EGFLAM: variants seen among roughly 807,000 people sequenced by gnomAD.
The protein encoded by EGFLAM is EGF like, fibronectin type III and laminin G domains.
In EGFLAM, 79 loss-of-function variants were observed where a neutral mutation model predicts 113.1. That is an observed-to-expected ratio of 0.70 (90% CI 0.58 to 0.84). The LOEUF (loss-of-function observed/expected upper bound fraction) is 0.84, where lower values mean the gene tolerates loss of function less well. Among genes scored for constraint, EGFLAM ranks in the 40% least tolerant of loss-of-function variants. The pLI, the probability that EGFLAM is intolerant of heterozygous loss-of-function variation, is 0.00. For synonymous variants in EGFLAM, 504 were observed against 487.6 expected (o/e 1.03, Z -0.44); for missense variants, 1,265 against 1,291.6 (o/e 0.98, Z 0.32).
rs7710623 is a variant in EGFLAM at position 38,287,792 on chromosome 5, T to C, written c.97+28941T>C. 3.5e-3 allele frequency among the ~76,000 whole-genome samples: 535 copies of C among 152,332 alleles called. 5 individuals are homozygous for C. Among genetic ancestry groups the C allele is most frequent in the African/African-American group, 0.012 (507 of 41,574 alleles). ...CTAAGCTGAGATGTGGAAATGAGTA[T>C]CTTTTATGCCCTAAGTGGGGCAATG... On this transcript the variant is annotated intron_variant, in intron 1 of 21. Coordinates refer to ENST00000322350, the MANE Select transcript of EGFLAM (RefSeq NM_152403.4).
At chr5:38,387,595 T>TCA (rs1740699126) in intron 6 of EGFLAM, among the ~76,000 whole-genome samples, 1 of 152,284 alleles carries the variant, frequency 6.6e-6, no homozygotes, top group African/African-American at 2.4e-5. Flanking sequence ...CAGTGAATTC[T>TCA]CAGTCTTAGC....
At chr5:38,414,048 A>G (rs893582762) in intron 11 of EGFLAM, among the ~76,000 whole-genome samples, 16 of 152,178 alleles carry the variant, frequency 1.1e-4, no homozygotes, top group African/African-American at 3.6e-4. Flanking sequence ...GCTTCCTAAC[A>G]GGCCACAGAC....
chr5:38,457,370 G>A (rs987965752), intron 19 of EGFLAM, among the ~76,000 whole-genome samples: 5 of 152,204 alleles, frequency 3.3e-5, no homozygotes, highest in African/African-American at 9.7e-5. Context: ...TGCAAGGGTT[G>A]GCTTCTTCTG....
chr5:38,464,969 T>G lies in EGFLAM; in HGVS notation c.*983T>G, dbSNP rs1279440860. On this transcript the variant is annotated 3_prime_UTR_variant, in exon 22 of 22. Transcript: ENST00000322350. ...GTCACTGTCATTTTTGTTTTAAGAG[T>G]TGGGGGGAGTATCTATAGTAAACTT... The G allele has an allele frequency of 6.6e-6, 1 of 151,920 alleles. No individual in the cohort carries two copies. Among genetic ancestry groups the G allele is most frequent in the Non-Finnish European group, 1.5e-5 (1 of 67,982 alleles). 9.4% of individuals were successfully genotyped at this position (151,920 alleles called of 1,614,324 possible).
At chr5:38,311,095 A>T (rs1433417711) in intron 1 of EGFLAM, among the ~76,000 whole-genome samples, 2 of 152,118 alleles carry the variant, frequency 1.3e-5, no homozygotes, top group Non-Finnish European at 2.9e-5. Flanking sequence ...ATGTTTAAAA[A>T]TTGACAAAGA....
At chr5:38,354,392 C>T (rs1428993119) in intron 5 of EGFLAM, among the ~76,000 whole-genome samples, 2 of 152,270 alleles carry the variant, frequency 1.3e-5, no homozygotes, top group Admixed American at 1.3e-4. Context: ...ATACATTAGA[C>T]AACACCAGCA....
intron 1 of EGFLAM, among the ~76,000 whole-genome samples, chr5:38,265,966 A>T (rs541589894): frequency 2.0e-5 from 3 of 152,172 alleles, no homozygotes; most frequent in Admixed American, 6.5e-5. Flanking sequence ...TGTTATGCTG[A>T]TCTTCACTGC....
intron 6 of EGFLAM, among the ~76,000 whole-genome samples, chr5:38,392,471 C>T (rs921382998): frequency 6.6e-6 from 1 of 152,172 alleles, no homozygotes; most frequent in Non-Finnish European, 1.5e-5. Flanking sequence ...TGGGTCTATA[C>T]CCACTAATGG....
chr5:38,378,346 T>A (rs1740418706), intron 6 of EGFLAM, among the ~76,000 whole-genome samples: 1 of 152,152 alleles, frequency 6.6e-6, no homozygotes, highest in Non-Finnish European at 1.5e-5. Context: ...TCATTGCCCA[T>A]CTGCCTGGAG....
At chr5:38,268,044 T>C (rs1757675199) in intron 1 of EGFLAM, among the ~76,000 whole-genome samples, 1 of 152,150 alleles carries the variant, frequency 6.6e-6, no homozygotes, top group African/African-American at 2.4e-5. Flanking sequence ...CATTTCTGTG[T>C]TTCCCTCACA....
intron 20 of EGFLAM, among the ~76,000 whole-genome samples, chr5:38,460,068 C>T (rs955294683): frequency 6.6e-6 from 1 of 152,232 alleles, no homozygotes; most frequent in African/African-American, 2.4e-5. Flanking sequence ...TTCTTCATTT[C>T]TGCCTCTTAC....
At position 38,438,422 on chromosome 5, in the gene EGFLAM, C is replaced by A. The variant is rs1230395415; in HGVS notation, c.2431C>A (p.Pro811Thr). The part of the protein sequence containing the change: ...PRKEGYDCDC[P>T]LGFEGLHCQK... ...GAAGGAGGGCTATGACTGTGACTGC[C>A]CCTTGGGCTTTGAGGGGCTTCACTG... Residue 811 changes from proline (P) to threonine (T), a missense_variant, in exon 17 of 22, where the codon CCC (proline) becomes ACC (threonine). Transcript: ENST00000322350. 3.1e-6 allele frequency: 5 copies of A among 1,612,614 alleles called. No individual in the cohort carries two copies. The highest frequency in any genetic ancestry group is 1.3e-5 in the African/African-American group (1 of 75,020).
intron 1 of EGFLAM, among the ~76,000 whole-genome samples, chr5:38,277,380 G>C (rs1371538508): frequency 6.6e-6 from 1 of 152,026 alleles, no homozygotes; most frequent in Non-Finnish European, 1.5e-5. Context: ...ACCATAAAAA[G>C]TCTCAACAAA....
chr5:38,373,383 G>T (rs1740274723), intron 6 of EGFLAM, among the ~76,000 whole-genome samples: 1 of 152,134 alleles, frequency 6.6e-6, no homozygotes, highest in Non-Finnish European at 1.5e-5. Context: ...TACCTAAGAA[G>T]TAATTTTTCA....
chr5:38,349,533 C>T (rs73073501), intron 3 of EGFLAM, among the ~76,000 whole-genome samples: 18,393 of 152,090 alleles, frequency 0.12, 1,622 homozygotes, highest in African/African-American at 0.25. Context: ...TTAATATCAG[C>T]GACACAGCTA....
intron 1 of EGFLAM, among the ~76,000 whole-genome samples, chr5:38,259,908 G>A (rs1757455552): frequency 6.6e-6 from 1 of 152,210 alleles, no homozygotes. Context: ...CCATGTGAAT[G>A]CTTAAATATT....
At chr5:38,259,346 C>T (rs531910407) in intron 1 of EGFLAM, among the ~76,000 whole-genome samples, 5 of 152,362 alleles carry the variant, frequency 3.3e-5, no homozygotes, top group East Asian at 1.9e-4. Flanking sequence ...TCTTAGCATC[C>T]TCTTCCACTC....
chr5:38,314,648 A>G (rs543404711), intron 1 of EGFLAM, among the ~76,000 whole-genome samples: 1 of 152,228 alleles, frequency 6.6e-6, no homozygotes, highest in South Asian at 2.1e-4. Context: ...TCTGACTTAG[A>G]TTTTTCTGTA....
chr5:38,423,218 A>G (rs561985435), intron 12 of EGFLAM, among the ~76,000 whole-genome samples: 2 of 152,278 alleles, frequency 1.3e-5, no homozygotes, highest in South Asian at 2.1e-4. Context: ...TTCAGCCTCT[A>G]GAATGAATCT....
Sources: gnomAD v4.1 joint callset for allele counts (sites outside exome capture counted in the v4.1 genomes callset) on GRCh38, gnomAD v4.1.1 for gene constraint, MANE v1.5 for transcripts, NCBI Gene and HGNC (gene_info 2026-07-23, HGNC 2026-07-21) for gene names.